RIF1: variants seen among roughly 807,000 people sequenced by gnomAD.
RIF1 encodes the protein replication timing regulatory factor 1.
A neutral mutation model predicts 247.1 loss-of-function variants in RIF1; 45 were observed. The ratio of observed to expected loss-of-function variants is 0.18; its 90% confidence interval spans 0.14 to 0.23. The LOEUF is 0.23. Among genes scored for constraint, RIF1 ranks in the 10% least tolerant of loss-of-function variants. The pLI is 1.00. For missense variants in RIF1, 2,967 were observed against 2,862.5 expected (o/e 1.04, Z -0.83); for synonymous variants, 1,087 against 978.8 (o/e 1.11, Z -2.06).
At chr2:151,468,419 A>G in intron 31 of RIF1, 55 bp from the exon 32 acceptor site, 2 of 1,387,140 alleles carry the variant, frequency 1.4e-6, no homozygotes, top group African/African-American at 1.4e-5. Context: ...AAAAATTGTG[A>G]AATTATAGTC....
At chr2:151,534,240 T>A in the RIF1 span, 6 of 1,613,550 alleles carry the variant, frequency 3.7e-6, no homozygotes, top group Non-Finnish European at 5.1e-6. Flanking sequence ...GCCTGCGGTC[T>A]TAGCCAGCAG....
chr2:151,411,498 G>A (rs1686221044), intron 3 of RIF1, among the ~76,000 whole-genome samples, 160 bp downstream of exon 3: 1 of 152,076 alleles, frequency 6.6e-6, no homozygotes, highest in South Asian at 2.1e-4. Context: ...CGCCTCTCGG[G>A]TTCAAGCGAT....
At chr2:151,507,118 A>C in intron 13 of RIF1, 1 of 720,144 alleles carries the variant, frequency 1.4e-6, no homozygotes, top group South Asian at 1.7e-5. Flanking sequence ...TCTTTAAAAA[A>C]AAGTCTATGC....
At position 151,476,165 on chromosome 2, in the gene RIF1, T is replaced by G. The variant is rs1034289490; in HGVS notation, c.*1094T>G. The G allele has an allele frequency of 6.6e-6, 1 of 152,180 alleles. No individual in the cohort carries two copies. Among genetic ancestry groups the G allele is most frequent in the Non-Finnish European group, 1.5e-5 (1 of 68,012 alleles). The allele number at this position is 152,180 out of a possible 1,614,324, so 9.4% of individuals were successfully genotyped here. ...CTAGAAAGTGTGCCTCCTTAAGATTTCTTAAAGGAAAGTTAGTTTCAGTAT... is the reference window on the plus strand; with the variant it reads ...CTAGAAAGTGTGCCTCCTTAAGATTGCTTAAAGGAAAGTTAGTTTCAGTAT... On this transcript the variant is annotated 3_prime_UTR_variant, in exon 36 of 36. Coordinates refer to ENST00000444746, the MANE Select transcript of RIF1 (RefSeq NM_018151.5).
intron 9 of RIF1, chr2:151,492,464 T>C (rs1168424960): frequency 1.2e-6 from 2 of 1,613,468 alleles, no homozygotes; most frequent in Non-Finnish European, 1.7e-6. Context: ...TTGCCTTGTA[T>C]TTGTTTCCGG....
chr2:151,445,525 C>T, intron 19 of RIF1, 80 bp downstream of exon 19: 1 of 795,760 alleles, frequency 1.3e-6, no homozygotes, highest in Admixed American at 2.1e-5. Context: ...AATCAGCTTC[C>T]ACAATGATTT....
intron 9 of RIF1, chr2:151,490,593 T>C: frequency 6.6e-7 from 1 of 1,511,036 alleles, no homozygotes; most frequent in Non-Finnish European, 9.0e-7. Flanking sequence ...AGTGATTGAA[T>C]CTCAGTTATT....
the RIF1 span, chr2:151,534,189 G>A: frequency 1.3e-6 from 2 of 1,571,576 alleles, no homozygotes; most frequent in Non-Finnish European, 8.7e-7. Context: ...TCCTGCCTGG[G>A]CCACCGGCCA....
chr2:151,507,824 T>C, exon 14 of RIF1: 1 of 575,628 alleles, frequency 1.7e-6, no homozygotes, highest in Non-Finnish European at 3.1e-6. Context: ...TTTCATGCTG[T>C]GATTTGGGAT....
At chr2:151,520,039 CAAA>C in the RIF1 span, 1,687 of 158,718 alleles carry the variant, frequency 0.011, 16 homozygotes, top group African/African-American at 0.031. Context: ...TAATGCAAAA[CAAA>C]AAAAAAAAAA....
At chr2:151,455,409 T>A (rs1217418000) in intron 22 of RIF1, among the ~76,000 whole-genome samples, 2 of 152,188 alleles carry the variant, frequency 1.3e-5, no homozygotes, top group Non-Finnish European at 2.9e-5. Flanking sequence ...CAGAATTGTT[T>A]ATGCAAACAA....
At chr2:151,455,661 CAT>C (rs35715528) in intron 22 of RIF1, among the ~76,000 whole-genome samples, 54,399 of 151,818 alleles carry the variant, frequency 0.36, 9,878 homozygotes, top group African/African-American at 0.42. Flanking sequence ...TGATTTAAAA[CAT>C]ATGGGAGGAT....
chr2:151,446,512 G>A lies in RIF1; in HGVS notation c.2181G>A (p.Glu727=). 2 of 1,613,342 alleles carry A rather than the reference G, an allele frequency of 1.2e-6. No individual in the cohort carries two copies. Among genetic ancestry groups the A allele is most frequent in the Non-Finnish European group, 1.7e-6 (2 of 1,179,564 alleles). ...RCAALVATAE[E]NLCCEELSSK... Reference sequence around the variant, plus strand: ...CTGCTTTGGTGGCAACAGCAGAAGAGAACTTGTGCTGTGAGGAACTTTCTT... The same window carrying A: ...CTGCTTTGGTGGCAACAGCAGAAGAAAACTTGTGCTGTGAGGAACTTTCTT... Residue 727 remains glutamate (E), a synonymous_variant, in exon 20 of 36, where the codon GAG becomes GAA. Coordinates refer to ENST00000444746, the MANE Select transcript of RIF1 (RefSeq NM_018151.5).
chr2:151,456,496 C>T lies in RIF1; in HGVS notation c.2610-82C>T, dbSNP rs540953895. Reference sequence around the variant, plus strand: ...ATTTATATTTATTATGTCTTTATTACCTTTTTCTTAGGATTAGCTTGATAG... The same window carrying T: ...ATTTATATTTATTATGTCTTTATTATCTTTTTCTTAGGATTAGCTTGATAG... On this transcript the variant is annotated intron_variant, in intron 22 of 35. Coordinates refer to ENST00000444746, the MANE Select transcript of RIF1 (RefSeq NM_018151.5). 23 of 753,184 alleles carry T rather than the reference C, an allele frequency of 3.1e-5. No homozygotes were observed. In the African/African-American group the frequency reaches 3.7e-4, roughly 12 times the overall value. 46.7% of individuals were successfully genotyped at this position (753,184 alleles called of 1,614,324 possible). A position where few individuals can be genotyped will look rare whatever the true frequency, so the allele number is the denominator to read the frequency against.
Position 151,411,251 on chromosome 2 carries a change from C to CT in RIF1, c.105-4dup. 3.2e-6 allele frequency: 5 copies of CT among 1,544,752 alleles called. No individual in the cohort carries two copies. The highest frequency in any genetic ancestry group is 2.3e-5 in the East Asian group (1 of 44,076). ...ACTACTTAAACTTGTGTTCTTCCTG[C>CT]TTTTTAAGTCGTATGACTGGAGAAG... is the stretch of plus-strand genomic sequence containing the variant. On this transcript the variant is annotated splice_polypyrimidine_tract_variant and intron_variant, in intron 2 of 35. Coordinates refer to ENST00000444746, the MANE Select transcript of RIF1 (RefSeq NM_018151.5).
the RIF1 span, chr2:151,527,407 A>G: frequency 1.8e-6 from 2 of 1,115,268 alleles, no homozygotes; most frequent in African/African-American, 3.1e-5. Flanking sequence ...GATAGTGGTT[A>G]TTATAAATAA....
the RIF1 span, chr2:151,529,374 A>G: frequency 2.8e-6 from 3 of 1,081,748 alleles, no homozygotes; most frequent in East Asian, 4.8e-5. Context: ...TGAGCATCTT[A>G]AAAAACAAGA....
chr2:151,486,185 C>T, downstream of RIF1: 1 of 436,980 alleles, frequency 2.3e-6, no homozygotes, highest in Non-Finnish European at 4.1e-6. Context: ...CCAAAAGAGG[C>T]AAAGGATATG....
chr2:151,422,335 A>G (rs921814626), intron 7 of RIF1, among the ~76,000 whole-genome samples: 1 of 152,044 alleles, frequency 6.6e-6, no homozygotes, highest in African/African-American at 2.4e-5. Context: ...GTATATTGGT[A>G]GAAAAAAAAA....
Sources: allele counts gnomAD v4.1 joint callset (sites outside exome capture counted in the v4.1 genomes callset), GRCh38; gene constraint gnomAD v4.1.1; transcripts MANE v1.5; gene names NCBI Gene and HGNC (gene_info 2026-07-23, HGNC 2026-07-21).